GOLGB1: variants seen among roughly 807,000 people sequenced by gnomAD.
The protein encoded by GOLGB1 is golgin B1.
Under a neutral mutation model 336.9 loss-of-function variants are expected in GOLGB1, and 174 were observed. The observed-to-expected ratio is 0.52, with a 90% CI of 0.46 to 0.59. GOLGB1 has a LOEUF of 0.59. GOLGB1 is among the 20% of genes least tolerant of loss of function. GOLGB1 has a pLI of 0.00. For synonymous variants in GOLGB1, 1,208 were observed against 1,289.2 expected (o/e 0.94, Z 1.35); for missense variants, 3,331 against 3,645.3 (o/e 0.91, Z 2.22).
At chr3:121,744,831 A>G (rs1421957304) in intron 1 of GOLGB1, among the ~76,000 whole-genome samples, 2 of 152,300 alleles carry the variant, frequency 1.3e-5, no homozygotes, top group Admixed American at 1.3e-4. Flanking sequence ...TTGATTCAAC[A>G]GTCTCAGAGA....
At chr3:121,724,095 T>C (rs530686096) in intron 5 of GOLGB1, among the ~76,000 whole-genome samples, 72 of 152,220 alleles carry the variant, frequency 4.7e-4, no homozygotes, top group African/African-American at 1.7e-3. Flanking sequence ...GGGGTCATCG[T>C]TGATAATGAT....
chr3:121,734,392 G>GAAAAAAAAAAA (rs34906801), intron 1 of GOLGB1, among the ~76,000 whole-genome samples: 3 of 107,230 alleles, frequency 2.8e-5, no homozygotes. Context: ...TCTGTCTCGG[G>GAAAAAAAAAAA]AAAAAAAAAA....
At chr3:121,722,193 TG>T in intron 6 of GOLGB1, 68 bp downstream of exon 6, 1 of 827,116 alleles carries the variant, frequency 1.2e-6, no homozygotes, top group Non-Finnish European at 2.1e-6. Flanking sequence ...AGTGACTCAC[TG>T]AATTGACTTG....
chr3:121,712,486 T>C (rs915778746), intron 10 of GOLGB1, among the ~76,000 whole-genome samples: 3 of 151,392 alleles, frequency 2.0e-5, no homozygotes, highest in Admixed American at 6.6e-5. Flanking sequence ...TGTGTGCTAA[T>C]GAAAAGATAT....
chr3:121,738,462 A>C (rs560121681), intron 1 of GOLGB1, among the ~76,000 whole-genome samples: 2 of 152,350 alleles, frequency 1.3e-5, no homozygotes, highest in African/African-American at 4.8e-5. Flanking sequence ...GCCAATAGTC[A>C]AAAGATCTGG....
intron 10 of GOLGB1, among the ~76,000 whole-genome samples, chr3:121,709,052 T>A (rs1944125490): frequency 6.6e-6 from 1 of 152,208 alleles, no homozygotes; most frequent in Admixed American, 6.5e-5. Context: ...AGAATTATTT[T>A]ATTAATGCCA....
At position 121,669,348 on chromosome 3, in the gene GOLGB1, T is replaced by A; in HGVS notation, c.9185A>T (p.Gln3062Leu). 1.9e-6 allele frequency: 3 copies of A among 1,613,552 alleles called. No individual in the cohort carries two copies. Among genetic ancestry groups the A allele is most frequent in the Non-Finnish European group, 2.5e-6 (3 of 1,179,474 alleles). ...AAGGGTGTTTTTCTCTTCCAGTAGC[T>A]GAGAGAACTGAAACAGAGGCGAGGA... ...RIQQLNSNFS[Q>L]LLEEKNTLSI... Residue 3062 changes from glutamine (Q) to leucine (L), a missense_variant, in exon 18 of 22, where the codon CAG becomes CTG. Transcript: ENST00000614479.
chr3:121,706,707 C>T (rs1943862104), intron 10 of GOLGB1, among the ~76,000 whole-genome samples: 1 of 105,524 alleles, frequency 9.5e-6, no homozygotes, highest in East Asian at 3.3e-4. Context: ...GCACTCCAGC[C>T]TGGATGACAC....
At position 121,691,949 on chromosome 3, in the gene GOLGB1, G is replaced by T. The variant is rs761256509; in HGVS notation, c.7415C>A (p.Ser2472Tyr). ...GCGGTCTCGATCATTTTGGAGAGAA[G>T]ACATGGATTTAACAAAGGAATCCAA... is the stretch of plus-strand genomic sequence containing the variant. ...AQLDSFVKSM[S>Y]SLQNDRDRIV... The change falls in exon 14 of 22, where the codon TCT becomes TAT. Residue 2472 changes from serine (S) to tyrosine (Y), a missense_variant. Coordinates refer to ENST00000614479, the MANE Select transcript of GOLGB1 (RefSeq NM_001366282.2). 16 of 1,614,016 alleles carry T rather than the reference G, an allele frequency of 9.9e-6. No homozygotes were observed. Among genetic ancestry groups the T allele is most frequent in the South Asian group, 5.5e-5 (5 of 91,070 alleles).
Position 121,691,085 on chromosome 3 carries a change from T to A in GOLGB1, c.8279A>T (p.Asp2760Val), listed in dbSNP as rs1170349738. Residue 2760 changes from aspartate to valine, a missense_variant, in exon 14 of 22, where the codon GAT becomes GTT. By Grantham distance (152) the Asp-to-Val change is radical. Coordinates refer to ENST00000614479, the MANE Select transcript of GOLGB1 (RefSeq NM_001366282.2). ...NSRDHANEEL[D>V]ELKRKYDASL... ...GGCATCATATTTCCTTTTCAGTTCATCAAGTTCCTCATTGGCATGATCTCT... is the reference window on the plus strand; with the variant it reads ...GGCATCATATTTCCTTTTCAGTTCAACAAGTTCCTCATTGGCATGATCTCT... 6.2e-7 allele frequency: 1 copy of A among 1,614,112 alleles called. No individual in the cohort carries two copies. The highest frequency in any genetic ancestry group is 1.7e-5 in the Admixed American group (1 of 60,028).
At chr3:121,740,726 T>TA (rs1413155564) in intron 1 of GOLGB1, among the ~76,000 whole-genome samples, 1 of 152,128 alleles carries the variant, frequency 6.6e-6, no homozygotes, top group Non-Finnish European at 1.5e-5. Context: ...GAGAAACAGA[T>TA]AAATATTGAA....
At chr3:121,749,503 G>C (rs1362497073) in intron 1 of GOLGB1, 129 bp downstream of exon 1, 1 of 152,568 alleles carries the variant, frequency 6.6e-6, no homozygotes, top group Non-Finnish European at 1.5e-5. Flanking sequence ...ATCCAGGACT[G>C]AATCCGGGAG....
At chr3:121,675,382 G>C (rs1010436180) in intron 17 of GOLGB1, among the ~76,000 whole-genome samples, 1 of 150,926 alleles carries the variant, frequency 6.6e-6, no homozygotes, top group African/African-American at 2.4e-5. Flanking sequence ...TCTTTTTTTT[G>C]TAAAAACACC....
intron 5 of GOLGB1, among the ~76,000 whole-genome samples, chr3:121,724,865 T>C (rs1329457833): frequency 6.6e-6 from 1 of 152,228 alleles, no homozygotes; most frequent in African/African-American, 2.4e-5. Context: ...TTCAGGATAC[T>C]GCTCCTTGCA....
At chr3:121,734,406 A>AC (rs1946343714) in intron 1 of GOLGB1, among the ~76,000 whole-genome samples, 1 of 151,616 alleles carries the variant, frequency 6.6e-6, no homozygotes, top group African/African-American at 2.4e-5. Flanking sequence ...AAAAAAAAAA[A>AC]AAAAACAAGT....
intron 14 of GOLGB1, 42 bp downstream of exon 14, chr3:121,690,628 A>G: frequency 2.8e-6 from 3 of 1,064,438 alleles, no homozygotes; most frequent in Admixed American, 3.0e-5. Context: ...GAAAGGTTCA[A>G]AAACTCTTAA....
chr3:121,673,364 C>T lies in GOLGB1; in HGVS notation c.9177+3529G>A, dbSNP rs557763036. ...GATTACAGGCATAAGCCACCACACTCGACCCAGTTTTCCTCTTTTTAATCA... is the reference window on the plus strand; with the variant it reads ...GATTACAGGCATAAGCCACCACACTTGACCCAGTTTTCCTCTTTTTAATCA... On this transcript the variant is annotated intron_variant, in intron 17 of 21. Coordinates refer to ENST00000614479, the MANE Select transcript of GOLGB1 (RefSeq NM_001366282.2). Among the ~76,000 whole-genome samples, 508 of 152,160 alleles carry T rather than the reference C, an allele frequency of 3.3e-3. 3 individuals are homozygous for T. Among genetic ancestry groups the T allele is most frequent in the African/African-American group, 0.012 (485 of 41,530 alleles).
Position 121,730,536 on chromosome 3 carries a change from G to A in GOLGB1, c.96+340C>T, listed in dbSNP as rs536803763. Among the ~76,000 whole-genome samples the A allele has an allele frequency of 5.9e-5, 9 of 152,250 alleles. No homozygotes were observed. The South Asian group carries it at 1.9e-3, about 32-fold the overall frequency. On this transcript the variant is annotated intron_variant, in intron 2 of 21. Coordinates refer to ENST00000614479, the MANE Select transcript of GOLGB1 (RefSeq NM_001366282.2). ...AAACAGATATTCTGAAACCCAAAAG[G>A]TGTTCCAGTTTCCTCATTTGTCACT... is the stretch of plus-strand genomic sequence containing the variant.
chr3:121,705,898 G>C (rs1309585982), intron 10 of GOLGB1, among the ~76,000 whole-genome samples: 1 of 152,166 alleles, frequency 6.6e-6, no homozygotes, highest in African/African-American at 2.4e-5. Context: ...CTTGCCTCAG[G>C]AGTATCGAAT....
Sources: allele counts gnomAD v4.1 joint callset (sites outside exome capture counted in the v4.1 genomes callset), GRCh38; gene constraint gnomAD v4.1.1; transcripts MANE v1.5; gene names NCBI Gene and HGNC (gene_info 2026-07-23, HGNC 2026-07-21).